Variants in PPIP5K1 observed in about 807,000 individuals in gnomAD.
The protein encoded by PPIP5K1 is inositol hexakisphosphate and diphosphoinositol-pentakisphosphate kinase 1.
PPIP5K1 carries 6 observed loss-of-function variants against 27.7 expected under a neutral mutation model. The observed-to-expected ratio is 0.22, with a 90% CI of 0.12 to 0.43. PPIP5K1 has a LOEUF of 0.43. Among genes scored for constraint, PPIP5K1 ranks in the 20% least tolerant of loss-of-function variants. PPIP5K1 has a pLI of 1.00. For synonymous variants in PPIP5K1, 145 were observed against 242.6 expected, an observed-to-expected ratio of 0.60 and a Z score of 3.74; for missense variants, 394 against 635.4, an observed-to-expected ratio of 0.62 and a Z score of 4.08.
chr15:43,534,739 G>A lies in PPIP5K1; in HGVS notation c.4408C>T (p.Pro1470Ser), dbSNP rs376717854. The A allele has an allele frequency of 8.4e-6, 13 of 1,548,430 alleles. No individual in the cohort carries two copies. Among genetic ancestry groups the A allele is most frequent in the Non-Finnish European group, 1.1e-5 (13 of 1,150,608 alleles). Residue 1470 changes from proline to serine, a missense_variant, in exon 32 of 32, where the codon CCA becomes TCA. Physicochemically the swap from Pro to Ser is moderately conservative, Grantham distance 74. Coordinates refer to ENST00000420765, the MANE Select transcript of PPIP5K1 (RefSeq NM_001394395.1). The stretch of plus-strand genomic sequence containing the variant: ...ATCTCCTCAGGGAACTCTTGGGATG[G>A]TTTATCAATCTCAGGGATGCCCTGA... ...LSQGIPEIDK[P>S]SQEFPEEIDL...
At chr15:43,543,531 T>C (rs2140505703) in intron 30 of PPIP5K1, among the ~76,000 whole-genome samples, 1 of 152,074 alleles carries the variant, frequency 6.6e-6, no homozygotes, top group Non-Finnish European at 1.5e-5. Flanking sequence ...TATTTCCCCA[T>C]GGAATCCTGG....
chr15:43,559,285 G>C (rs2083466936), intron 29 of PPIP5K1, among the ~76,000 whole-genome samples: 1 of 152,210 alleles, frequency 6.6e-6, no homozygotes, highest in Admixed American at 6.5e-5. Flanking sequence ...AGGATCCAGA[G>C]GTAAGGGGTG....
intron 31 of PPIP5K1, chr15:43,537,344 C>CAAAA (rs375557879): frequency 3.2e-4 from 27 of 83,514 alleles, no homozygotes; most frequent in East Asian, 1.8e-3. Flanking sequence ...GACTCCACCT[C>CAAAA]AAAAAAAAAA....
intron 30 of PPIP5K1, among the ~76,000 whole-genome samples, chr15:43,543,723 A>G (rs2081047243): frequency 6.6e-6 from 1 of 151,786 alleles, no homozygotes; most frequent in Non-Finnish European, 1.5e-5. Context: ...CTTTCATCTA[A>G]TTTATCTTAC....
chr15:43,557,442 T>G (rs868595185), intron 30 of PPIP5K1, among the ~76,000 whole-genome samples: 39 of 152,166 alleles, frequency 2.6e-4, no homozygotes, highest in African/African-American at 8.9e-4. Flanking sequence ...AGTGAGACTC[T>G]GTCTCAAAAA....
At chr15:43,538,664 A>G (rs1374628573) in intron 31 of PPIP5K1, among the ~76,000 whole-genome samples, 1 of 152,062 alleles carries the variant, frequency 6.6e-6, no homozygotes, top group East Asian at 1.9e-4. Flanking sequence ...GGCACCCACC[A>G]CCACGCTCGG....
At chr15:43,536,832 C>T (rs72711848) in intron 31 of PPIP5K1, among the ~76,000 whole-genome samples, 17 of 152,286 alleles carry the variant, frequency 1.1e-4, no homozygotes, top group Non-Finnish European at 1.9e-4. Context: ...CTTGACTAAC[C>T]TACTTTTCCC....
intron 30 of PPIP5K1, among the ~76,000 whole-genome samples, chr15:43,546,498 C>T (rs562447594): frequency 2.3e-4 from 35 of 151,972 alleles, no homozygotes; most frequent in Non-Finnish European, 4.4e-4. Flanking sequence ...GATATGTTGT[C>T]CAGGCTGGTC....
At chr15:43,550,982 T>A (rs142465029) in intron 30 of PPIP5K1, among the ~76,000 whole-genome samples, 53 of 152,366 alleles carry the variant, frequency 3.5e-4, no homozygotes, top group African/African-American at 1.3e-3. Flanking sequence ...TCTTTTATTG[T>A]GCTGTCGGAT....
At chr15:43,539,079 T>A (rs779255578) in intron 31 of PPIP5K1, among the ~76,000 whole-genome samples, 16 of 151,762 alleles carry the variant, frequency 1.1e-4, no homozygotes, top group Non-Finnish European at 1.9e-4. Context: ...GGCGTGGTGG[T>A]GCATGCCTGT....
At chr15:43,558,303 C>T (rs911822571) in intron 30 of PPIP5K1, among the ~76,000 whole-genome samples, 17 of 150,812 alleles carry the variant, frequency 1.1e-4, no homozygotes, top group Admixed American at 7.9e-4. Context: ...TCTCGGCTCC[C>T]TGCAACCTCT....
intron 30 of PPIP5K1, among the ~76,000 whole-genome samples, chr15:43,550,510 ATTG>A (rs2140859853): frequency 6.6e-6 from 1 of 152,032 alleles, no homozygotes; most frequent in East Asian, 1.9e-4. Flanking sequence ...CCGCTTTTTT[ATTG>A]TTGTTTTCTT....
intron 30 of PPIP5K1, among the ~76,000 whole-genome samples, chr15:43,551,606 GTT>G (rs1293557795): frequency 1.9e-5 from 2 of 105,448 alleles, no homozygotes; most frequent in African/African-American, 1.0e-4. Context: ...TCTTGATTCA[GTT>G]TTTTTTTTTT....
At chr15:43,548,806 A>T (rs1051362088) in intron 30 of PPIP5K1, 2 of 151,014 alleles carry the variant, frequency 1.3e-5, no homozygotes, top group Non-Finnish European at 3.0e-5. Context: ...GCGGTGGATC[A>T]CCTGAGGTCA....
intron 31 of PPIP5K1, among the ~76,000 whole-genome samples, chr15:43,537,779 T>C (rs2080109040): frequency 6.6e-6 from 1 of 150,444 alleles, no homozygotes; most frequent in African/African-American, 2.5e-5. Flanking sequence ...TGGAGCCTAT[T>C]TCTGATGCAG....
intron 30 of PPIP5K1, among the ~76,000 whole-genome samples, chr15:43,549,193 T>C (rs1045630089): frequency 6.6e-6 from 1 of 150,508 alleles, no homozygotes; most frequent in South Asian, 2.1e-4. Context: ...ATCACAGGCA[T>C]GAACCACTGT....
Position 43,558,668 on chromosome 15 carries a change from A to G in PPIP5K1, c.3556+127T>C, listed in dbSNP as rs1247972238. 24 of 1,331,258 alleles carry G rather than the reference A, an allele frequency of 1.8e-5. No homozygotes were observed. The Admixed American group carries it at 5.4e-4, about 30-fold the overall frequency. The allele number at this position is 1,331,258 out of a possible 1,614,324, so 82.5% of individuals were successfully genotyped here. On this transcript the variant is annotated intron_variant, in intron 30 of 31. Coordinates refer to ENST00000420765, the MANE Select transcript of PPIP5K1 (RefSeq NM_001394395.1). Reference sequence around the variant, plus strand: ...CACTGCGCCCAGCCAGCAATTATACATTTTTAAGTGTACTTTTGTGTCTTT... The same window carrying G: ...CACTGCGCCCAGCCAGCAATTATACGTTTTTAAGTGTACTTTTGTGTCTTT...
intron 30 of PPIP5K1, among the ~76,000 whole-genome samples, chr15:43,540,376 C>T (rs1285621313): frequency 1.3e-5 from 2 of 151,852 alleles, no homozygotes; most frequent in East Asian, 3.9e-4. Flanking sequence ...CAAGCCTGGT[C>T]AACATGGAGA....
chr15:43,540,861 CAAAAAAA>C (rs34085400), intron 30 of PPIP5K1, among the ~76,000 whole-genome samples: 8 of 73,882 alleles, frequency 1.1e-4, no homozygotes, highest in Admixed American at 5.8e-4. Flanking sequence ...GACTCTGTCT[CAAAAAAA>C]AAAAAAAAAA....
Sources: allele counts gnomAD v4.1 joint callset (sites outside exome capture counted in the v4.1 genomes callset), GRCh38; gene constraint gnomAD v4.1.1; transcripts MANE v1.5; gene names NCBI Gene and HGNC (gene_info 2026-07-23, HGNC 2026-07-21).